CTNNA2: variants seen among roughly 807,000 people sequenced by gnomAD.
CTNNA2 encodes the protein catenin alpha-2.
A neutral mutation model predicts 101.0 loss-of-function variants in CTNNA2; 42 were observed. That is an observed-to-expected ratio of 0.42 (90% CI 0.32 to 0.54). The LOEUF is 0.54. Ranked by LOEUF, CTNNA2 falls within the 20% of genes least tolerant of loss-of-function variation. The probability of loss-of-function intolerance (pLI) is 0.14; values close to 1 mark genes in which losing one functional copy is unlikely to be tolerated. For missense variants in CTNNA2, 871 were observed against 1,223.1 expected, an observed-to-expected ratio of 0.71 and a Z score of 4.29; for synonymous variants, 450 against 456.4, an observed-to-expected ratio of 0.99 and a Z score of 0.18.
intron 7 of CTNNA2, among the ~76,000 whole-genome samples, chr2:80,314,980 G>T (rs1363269980): frequency 2.0e-5 from 3 of 152,104 alleles, no homozygotes; most frequent in Non-Finnish European, 2.9e-5. Flanking sequence ...TGTGTGATCT[G>T]GGCAAGTGAC....
At chr2:79,185,383 T>C (rs1387018490) in exon 1 of CTNNA2, 1 of 151,586 alleles carries the variant, frequency 6.6e-6, no homozygotes, top group African/African-American at 2.4e-5. Flanking sequence ...TGCTAGTCCA[T>C]CTCAAATCTT....
At chr2:79,761,004 C>T (rs761579310) in intron 3 of CTNNA2, among the ~76,000 whole-genome samples, 2 of 152,034 alleles carry the variant, frequency 1.3e-5, no homozygotes, top group African/African-American at 4.8e-5. Flanking sequence ...TTGTATTTGC[C>T]AAATATTAAT....
chr2:79,935,846 T>C (rs1260507523), intron 7 of CTNNA2, among the ~76,000 whole-genome samples: 2 of 152,206 alleles, frequency 1.3e-5, no homozygotes, highest in African/African-American at 2.4e-5. Context: ...TTGAGTGGCA[T>C]TTTTTTCCCT....
intron 2 of CTNNA2, among the ~76,000 whole-genome samples, chr2:79,262,071 G>T (rs1674929489): frequency 6.6e-6 from 1 of 152,152 alleles, no homozygotes; most frequent in Admixed American, 6.6e-5. Flanking sequence ...TAGCCACAGA[G>T]ATTTTAACAT....
chr2:80,554,655 C>A (rs570950136), intron 11 of CTNNA2, among the ~76,000 whole-genome samples: 1 of 152,264 alleles, frequency 6.6e-6, no homozygotes, highest in South Asian at 2.1e-4. Context: ...CCTCATAACA[C>A]AATCACCTCC....
intron 3 of CTNNA2, among the ~76,000 whole-genome samples, chr2:79,817,655 G>T (rs2105365292): frequency 6.6e-6 from 1 of 152,176 alleles, no homozygotes; most frequent in East Asian, 1.9e-4. Context: ...TGTTCAATGG[G>T]GTCTTGCGCC....
intron 2 of CTNNA2, among the ~76,000 whole-genome samples, chr2:79,707,792 T>A (rs1012540139): frequency 1.3e-5 from 2 of 152,168 alleles, no homozygotes; most frequent in Non-Finnish European, 2.9e-5. Flanking sequence ...TGGAAATAGA[T>A]ATCTTGCAGC....
intron 3 of CTNNA2, among the ~76,000 whole-genome samples, chr2:79,358,731 T>C (rs1468880003): frequency 6.6e-6 from 1 of 152,194 alleles, no homozygotes; most frequent in African/African-American, 2.4e-5. Flanking sequence ...ATCCTAGGTT[T>C]TTAACTCTAA....
intron 4 of CTNNA2, among the ~76,000 whole-genome samples, chr2:79,473,919 A>G (rs1476834066): frequency 1.3e-5 from 2 of 152,176 alleles, no homozygotes; most frequent in East Asian, 3.8e-4. Flanking sequence ...ATTAAATTTT[A>G]TTTCTGTGCC....
At chr2:79,939,415 T>G (rs1687998766) in intron 7 of CTNNA2, among the ~76,000 whole-genome samples, 1 of 152,212 alleles carries the variant, frequency 6.6e-6, no homozygotes, top group Non-Finnish European at 1.5e-5. Context: ...TTTTACAATG[T>G]TTATAAAATA....
Position 79,186,376 on chromosome 2 carries a change from G to A in CTNNA2, c.-524+945G>A, listed in dbSNP as rs531551471. Among the ~76,000 whole-genome samples, 62 of 152,292 alleles carry A rather than the reference G, an allele frequency of 4.1e-4. No individual in the cohort carries two copies. The South Asian group carries it at 4.3e-3, about 11-fold the overall frequency. ...GAGGTGACAAGGATAAGAAATAAGA[G>A]TGCCTGCTTCATAAGAGATGAGCAC... On this transcript the variant is annotated intron_variant, in intron 1 of 21. Coordinates refer to the CTNNA2 transcript ENST00000466387.
At chr2:80,630,721 AAAC>A (rs1269076940) in intron 18 of CTNNA2, among the ~76,000 whole-genome samples, 2 of 152,192 alleles carry the variant, frequency 1.3e-5, no homozygotes, top group Middle Eastern at 3.2e-3. Context: ...AAATAAGAAA[AAAC>A]TAAAGTGATA....
At chr2:79,711,021 G>T (rs191721278) in intron 2 of CTNNA2, among the ~76,000 whole-genome samples, 212 of 152,218 alleles carry the variant, frequency 1.4e-3, no homozygotes, top group African/African-American at 4.8e-3. Flanking sequence ...TTCATAAAAT[G>T]CGCTCATTTT....
chr2:80,063,627 C>T (rs948442784), intron 7 of CTNNA2, among the ~76,000 whole-genome samples: 1 of 152,206 alleles, frequency 6.6e-6, no homozygotes, highest in Non-Finnish European at 1.5e-5. Context: ...AGCTGGAATG[C>T]ATACACCCTT....
chr2:80,391,737 A>C (rs1279748505), intron 7 of CTNNA2, among the ~76,000 whole-genome samples: 2 of 152,230 alleles, frequency 1.3e-5, no homozygotes. Flanking sequence ...ACAGAGCAGC[A>C]CGTTATTCTT....
chr2:79,580,197 A>G (rs1263104921), intron 1 of CTNNA2, among the ~76,000 whole-genome samples: 1 of 152,114 alleles, frequency 6.6e-6, no homozygotes, highest in African/African-American at 2.4e-5. Context: ...ATTGTCCTGT[A>G]TTATCTGGGT....
rs150883394 is a variant in CTNNA2, at chr2:80,454,887, C to T, written c.1290+35286C>T. Among the ~76,000 whole-genome samples, 1,154 of 152,316 alleles carry T rather than the reference C, an allele frequency of 7.6e-3. 15 individuals carry two copies. Among genetic ancestry groups the T allele is most frequent in the African/African-American group, 0.025 (1,059 of 41,582 alleles). ...TTCCCTCTCTGATGATGGGCTAGCC[C>T]GGGGAAGGCCCAGAGCCAAAGGTCA... On this transcript the variant is annotated intron_variant, in intron 9 of 18. Coordinates refer to ENST00000402739, the MANE Select transcript of CTNNA2 (RefSeq NM_001282597.3).
intron 7 of CTNNA2, among the ~76,000 whole-genome samples, chr2:80,172,019 G>T (rs1705092202): frequency 6.6e-6 from 1 of 152,162 alleles, no homozygotes. Context: ...TTATGAGGGT[G>T]CATGTAAAGC....
intron 1 of CTNNA2, among the ~76,000 whole-genome samples, chr2:79,610,767 G>A (rs560044233): frequency 5.6e-4 from 85 of 152,222 alleles, no homozygotes; most frequent in African/African-American, 1.9e-3. Flanking sequence ...ACCTTTGAGG[G>A]TAGTGTGCAT....
Sources: gnomAD v4.1 joint callset for allele counts (sites outside exome capture counted in the v4.1 genomes callset) on GRCh38, gnomAD v4.1.1 for gene constraint, MANE v1.5 for transcripts, NCBI Gene and HGNC (gene_info 2026-07-23, HGNC 2026-07-21) for gene names.